PPP1R11: variants seen among roughly 807,000 people sequenced by gnomAD.
PPP1R11 encodes the protein protein phosphatase 1 regulatory inhibitor subunit 11.
A neutral mutation model predicts 11.3 loss-of-function variants in PPP1R11; 10 were observed. That is an observed-to-expected ratio of 0.88 (90% CI 0.55 to 1.50). The LOEUF is 1.50. Ranked by LOEUF, PPP1R11 falls within the 40% of genes most tolerant of loss-of-function variation. The probability of loss-of-function intolerance (pLI) is 0.00; values close to 1 mark genes in which losing one functional copy is unlikely to be tolerated. For missense variants in PPP1R11, 114 were observed against 179.1 expected (o/e 0.64, Z 2.07); for synonymous variants, 56 against 62.3 (o/e 0.90, Z 0.48).
At chr6:30,068,498 C>A (rs1765692262) in intron 1 of PPP1R11, 92 bp from the exon 2 acceptor site, 2 of 1,012,290 alleles carry the variant, frequency 2.0e-6, no homozygotes, top group Non-Finnish European at 3.0e-6. Context: ...ACTGATTGAG[C>A]TAAAGAAGAA....
Position 30,068,636 on chromosome 6 carries a change from A to G in PPP1R11, c.116A>G (p.Lys39Arg), listed in dbSNP as rs1216776695. The change falls in exon 2 of 3, where the codon AAA becomes AGA. Residue 39 changes from lysine to arginine, a missense_variant. Transcript: ENST00000376772. Reference sequence around the variant, plus strand: ...AAACTTCGGAAACGGAAGCCAGAGAAAAAGGTAGAATGGACAAGTGACACT... The same window carrying G: ...AAACTTCGGAAACGGAAGCCAGAGAGAAAGGTAGAATGGACAAGTGACACT... Reference protein sequence around the residue: ...TIKLRKRKPEKKVEWTSDTVD... With the variant: ...TIKLRKRKPERKVEWTSDTVD... 25 of 1,612,886 alleles carry G rather than the reference A, an allele frequency of 1.6e-5. No individual in the cohort carries two copies. The highest frequency in any genetic ancestry group is 1.8e-5 in the Non-Finnish European group (21 of 1,180,004).
Position 30,067,755 on chromosome 6 carries a change from G to A in PPP1R11, c.69+276G>A, listed in dbSNP as rs536203147. On this transcript the variant is annotated intron_variant, in intron 1 of 2. Coordinates refer to ENST00000376772, the MANE Select transcript of PPP1R11 (RefSeq NM_021959.3). ...ATGTGTGTAAGTAATAAACGAAAGG[G>A]AAATTGAGGATTAAGGAGCCAGGAA... The A allele has an allele frequency of 3.0e-4, 124 of 410,898 alleles. No homozygotes were observed. The East Asian group carries it at 4.3e-3, about 14-fold the overall frequency. The allele number at this position is 410,898 out of a possible 1,614,324, so 25.5% of individuals were successfully genotyped here.
chr6:30,064,777 C>T, upstream of PPP1R11: 1 of 1,318,862 alleles, frequency 7.6e-7, no homozygotes, highest in Non-Finnish European at 1.1e-6. Flanking sequence ...CCTTGTCCAT[C>T]CTGTCTGGTT....
At chr6:30,068,542 G>A (rs763812747) in intron 1 of PPP1R11, 48 bp from the exon 2 acceptor site, 2 of 1,504,950 alleles carry the variant, frequency 1.3e-6, no homozygotes, top group Non-Finnish European at 1.8e-6. Flanking sequence ...GAGTGGGAAA[G>A]GTTAGTAAGA....
chr6:30,062,714 C>CCTTTTTTTT (rs749507630), upstream of PPP1R11, among the ~76,000 whole-genome samples: 102 of 42,390 alleles, frequency 2.4e-3, 15 homozygotes, highest in South Asian at 0.043. Flanking sequence ...CCACGCCTGG[C>CCTTTTTTTT]TTTTTTTTTT....
Position 30,070,275 on chromosome 6 carries a change from C to T in PPP1R11, c.*969C>T, listed in dbSNP as rs144268715. 1 of 156,480 alleles carries T rather than the reference C, an allele frequency of 6.4e-6. No individual in the cohort carries two copies. Among genetic ancestry groups the T allele is most frequent in the East Asian group, 1.9e-4 (1 of 5,318 alleles). 9.7% of individuals were successfully genotyped at this position (156,480 alleles called of 1,614,324 possible). A position where few individuals can be genotyped will look rare whatever the true frequency, so the allele number is the denominator to read the frequency against. ...ACAGAGATCAGTCAAATCCATACCA[C>T]CACTGAGATCTCATTTATTGCCACA... On this transcript the variant is annotated 3_prime_UTR_variant, in exon 3 of 3. Coordinates refer to ENST00000376772, the MANE Select transcript of PPP1R11 (RefSeq NM_021959.3).
In PPP1R11 at chr6:30,069,240, G is replaced by T. The variant is rs750984479; in HGVS notation, c.315G>T (p.Pro105=). ...GACGGCGTCGTGCAACCCTAGGACC[G>T]ACCCCCACCACCCCTCCCCAGCCTC... ...RKGRRRATLG[P]TPTTPPQPPD... Residue 105 remains proline, a synonymous_variant, in exon 3 of 3, where the codon CCG becomes CCT. Transcript: ENST00000376772. This position sits in a 1 kb window ranked among gnomAD's most constrained non-coding sequence, Gnocchi z 6.6. 1 of 1,612,466 alleles carries T rather than the reference G, an allele frequency of 6.2e-7. No homozygotes were observed. The highest frequency in any genetic ancestry group is 8.5e-7 in the Non-Finnish European group (1 of 1,179,730).
upstream of PPP1R11, among the ~76,000 whole-genome samples, chr6:30,063,805 C>A (rs1031805689): frequency 6.6e-5 from 10 of 152,196 alleles, no homozygotes; most frequent in African/African-American, 1.9e-4. The surrounding 1 kb of genome is among the most constrained non-coding windows in gnomAD (Gnocchi z 4.1). Flanking sequence ...TAAATAAATT[C>A]TTGGCTTCAT....
upstream of PPP1R11, chr6:30,062,126 G>A (rs1765128556): frequency 6.9e-7 from 1 of 1,447,096 alleles, no homozygotes; most frequent in Admixed American, 1.7e-5. Context: ...AGGGAAAAGA[G>A]ATGTAAACCA....
rs914479779 is a variant in PPP1R11 at position 30,069,379 on chromosome 6, C to T, written c.*73C>T. 12 of 1,153,164 alleles carry T rather than the reference C, an allele frequency of 1.0e-5. No homozygotes were observed. Among genetic ancestry groups the T allele is most frequent in the Non-Finnish European group, 1.5e-5 (12 of 817,782 alleles). 71.4% of individuals were successfully genotyped at this position (1,153,164 alleles called of 1,614,324 possible). A position where few individuals can be genotyped will look rare whatever the true frequency, so the allele number is the denominator to read the frequency against. On this transcript the variant is annotated 3_prime_UTR_variant, in exon 3 of 3. Transcript: ENST00000376772. This position sits in a 1 kb window ranked among gnomAD's most constrained non-coding sequence, Gnocchi z 6.6. ...TCCATGTGGCTACTTCTCCAGCCCC[C>T]TCCTTCCCTCTCTTCTGCCTGATAG...
chr6:30,062,506 T>A (rs1421713612), upstream of PPP1R11, among the ~76,000 whole-genome samples: 2 of 151,856 alleles, frequency 1.3e-5, no homozygotes, highest in African/African-American at 4.8e-5. Flanking sequence ...TACACTTTTT[T>A]AAACCTTTTT....
rs936916362 is a variant in PPP1R11 at position 30,067,371 on chromosome 6, A to G, written c.-40A>G. 2.5e-6 allele frequency: 4 copies of G among 1,578,520 alleles called. No homozygotes were observed. The African/African-American group carries it at 5.4e-5, about 21-fold the overall frequency. On this transcript the variant is annotated 5_prime_UTR_variant, in exon 1 of 3. Coordinates refer to ENST00000376772, the MANE Select transcript of PPP1R11 (RefSeq NM_021959.3). ...CGACAGAAAAAGGGAAGGGTGTCTC[A>G]TCCCCCTTCCTCCTCTCCTCCCTGT... is the stretch of plus-strand genomic sequence containing the variant.
At chr6:30,064,856 T>G, upstream of PPP1R11, 2 of 479,022 alleles carry the variant, frequency 4.2e-6, no homozygotes, top group Non-Finnish European at 7.3e-6. Flanking sequence ...GGAGTACTCC[T>G]ACCCTTAGTT....
upstream of PPP1R11, chr6:30,067,167 G>GCCA: frequency 2.2e-6 from 1 of 452,374 alleles, no homozygotes. Flanking sequence ...ATTTGGTGCC[G>GCCA]TGGAAGGGAA....
chr6:30,068,625 G>A lies in PPP1R11; in HGVS notation c.105G>A (p.Arg35=). ...NRSLTIKLRK[R]KPEKKVEWTS... ...GCCTTACCATCAAACTTCGGAAACG[G>A]AAGCCAGAGAAAAAGGTAGAATGGA... Residue 35 remains arginine (R), a synonymous_variant, in exon 2 of 3, where the codon CGG becomes CGA. Transcript: ENST00000376772. 1 of 1,612,916 alleles carries A rather than the reference G, an allele frequency of 6.2e-7. No individual in the cohort carries two copies. Among genetic ancestry groups the A allele is most frequent in the Non-Finnish European group, 8.5e-7 (1 of 1,179,984 alleles).
upstream of PPP1R11, among the ~76,000 whole-genome samples, chr6:30,063,665 T>C (rs1328190672): frequency 6.6e-6 from 1 of 152,184 alleles, no homozygotes; most frequent in African/African-American, 2.4e-5. The surrounding 1 kb of genome is among the most constrained non-coding windows in gnomAD (Gnocchi z 4.1). Flanking sequence ...TTTGTGATTT[T>C]TGACTATAAA....
At position 30,069,094 on chromosome 6, in the gene PPP1R11, C is replaced by T. The variant is rs1765741742; in HGVS notation, c.179-10C>T. On this transcript the variant is annotated splice_polypyrimidine_tract_variant and intron_variant, in intron 2 of 2. Coordinates refer to ENST00000376772, the MANE Select transcript of PPP1R11 (RefSeq NM_021959.3). This position sits in a 1 kb window ranked among gnomAD's most constrained non-coding sequence, Gnocchi z 6.6. ...CTCCTCTTTAACTGGGCTCCTCCCT[C>T]TAAATCTAGGCTGCTGTATTTATGA... The T allele has an allele frequency of 6.3e-7, 1 of 1,589,360 alleles. No individual in the cohort carries two copies. The highest frequency in any genetic ancestry group is 1.3e-5 in the African/African-American group (1 of 74,432).
At chr6:30,068,790 C>T in intron 2 of PPP1R11, 92 bp downstream of exon 2, 1 of 1,145,206 alleles carries the variant, frequency 8.7e-7, no homozygotes, top group East Asian at 2.5e-5. Flanking sequence ...TCCAGAAGCC[C>T]CCAGATGTTC....
At chr6:30,066,645 G>T (rs116546087), upstream of PPP1R11, 3 of 152,216 alleles carry the variant, frequency 2.0e-5, no homozygotes, top group African/African-American at 7.2e-5. Context: ...CCATCTTCAA[G>T]GCGTAGCACA....
Sources: gnomAD v4.1 joint callset for allele counts (sites outside exome capture counted in the v4.1 genomes callset) on GRCh38, gnomAD v4.1.1 for gene constraint, Gnocchi (gnomAD v3.1) non-coding constraint, MANE v1.5 for transcripts, NCBI Gene and HGNC (gene_info 2026-07-23, HGNC 2026-07-21) for gene names.